The following CXCL16 variants were observed in gnomAD, a reference collection of about 807,000 sequenced individuals.
The protein encoded by CXCL16 is C-X-C motif chemokine 16.
Under a neutral mutation model 23.8 loss-of-function variants are expected in CXCL16, and 18 were observed. The observed-to-expected ratio is 0.76, with a 90% confidence interval of 0.52 to 1.12. CXCL16 has a LOEUF of 1.12. CXCL16 is among the 50% of genes most tolerant of loss of function. CXCL16 has a pLI of 0.00. For synonymous variants in CXCL16, 123 were observed against 132.5 expected (o/e 0.93, Z 0.49); for missense variants, 297 against 315.4 (o/e 0.94, Z 0.44).
At position 4,738,567 on chromosome 17, in the gene CXCL16, A is replaced by G. The variant is rs9894794; in HGVS notation, c.219-77T>C. On this transcript the variant is annotated intron_variant, in intron 2 of 5. Coordinates refer to ENST00000293778, the MANE Select transcript of CXCL16 (RefSeq NM_001386809.1). The surrounding 1 kb of genome is among the most constrained non-coding windows in gnomAD (Gnocchi z 4.0). Reference sequence around the variant, plus strand: ...CTCCTTCCTCATTCCAGAGGCGTGAAGTTGCCACCAAGAAAGAGCCCTTTC... The same window carrying G: ...CTCCTTCCTCATTCCAGAGGCGTGAGGTTGCCACCAAGAAAGAGCCCTTTC... The G allele has an allele frequency of 1.7e-6, 2 of 1,210,098 alleles. No individual in the cohort carries two copies. The highest frequency in any genetic ancestry group is 4.8e-5 in the East Asian group (2 of 41,268). 75.0% of individuals were successfully genotyped at this position (1,210,098 alleles called of 1,614,324 possible).
In CXCL16 at chr17:4,735,101, A is replaced by C. The variant is rs1262209816; in HGVS notation, c.709T>G (p.Ser237Ala). 1 of 1,608,372 alleles carries C rather than the reference A, an allele frequency of 6.2e-7. No homozygotes were observed. Among genetic ancestry groups the C allele is most frequent in the South Asian group, 1.1e-5 (1 of 91,000 alleles). The change falls in exon 4 of 6, where the codon TCC becomes GCC. Residue 237 changes from serine (S) to alanine (A), a missense_variant. By Grantham distance (99) the Ser-to-Ala change is moderately conservative. Coordinates refer to ENST00000293778, the MANE Select transcript of CXCL16 (RefSeq NM_001386809.1). The part of the protein sequence containing the change: ...CKRRRGQSPQ[S>A]SPDLPVHYIP... ...CAAAGGTCCAGTTTACCTGGAGAGGACTGCGGTGACTGCCCCCTCCTCCTC... is the reference window on the plus strand; with the variant it reads ...CAAAGGTCCAGTTTACCTGGAGAGGCCTGCGGTGACTGCCCCCTCCTCCTC...
chr17:4,739,237 TC>T lies in CXCL16; in HGVS notation c.79+23del. 6.4e-7 allele frequency: 1 copy of T among 1,573,852 alleles called. No homozygotes were observed. The highest frequency in any genetic ancestry group is 1.2e-5 in the South Asian group (1 of 86,350). On this transcript the variant is annotated intron_variant, in intron 1 of 5. Transcript: ENST00000293778. The surrounding 1 kb of genome is among the most constrained non-coding windows in gnomAD (Gnocchi z 5.3). ...CCTTCCCGTGACAGGGGAATCTGGGTCCCCTGCCCCGCCCCCGGCTAACCTG... is the reference window on the plus strand; with the variant it reads ...CCTTCCCGTGACAGGGGAATCTGGGTCCCTGCCCCGCCCCCGGCTAACCTG...
chr17:4,738,586 C>G lies in CXCL16; in HGVS notation c.219-96G>C. On this transcript the variant is annotated intron_variant, in intron 2 of 5. Coordinates refer to ENST00000293778, the MANE Select transcript of CXCL16 (RefSeq NM_001386809.1). This position sits in a 1 kb window ranked among gnomAD's most constrained non-coding sequence, Gnocchi z 4.0. The stretch of plus-strand genomic sequence containing the variant: ...GCGTGAAGTTGCCACCAAGAAAGAG[C>G]CCTTTCTCCTGGGACTGGGAAACTC... 1 of 1,102,316 alleles carries G rather than the reference C, an allele frequency of 9.1e-7. No homozygotes were observed. The highest frequency in any genetic ancestry group is 1.3e-6 in the Non-Finnish European group (1 of 753,368). 68.3% of individuals were successfully genotyped at this position (1,102,316 alleles called of 1,614,324 possible).
chr17:4,738,882 A>C lies in CXCL16; in HGVS notation c.118T>G (p.Cys40Gly). The change falls in exon 2 of 6, where the codon TGT (cysteine) becomes GGT (glycine). Residue 40 changes from cysteine to glycine, a missense_variant. Cys to Gly is a radical substitution (Grantham distance 159). Transcript: ENST00000293778. The surrounding 1 kb of genome is among the most constrained non-coding windows in gnomAD (Gnocchi z 4.0). ...NEGSVTGSCY[C>G]GKRISSDSPP... ...GAGTCGGAAGAAATTCTTTTACCAC[A>C]ATAACAACTTCCAGTGACGCTGCCC... The C allele has an allele frequency of 1.2e-6, 2 of 1,614,116 alleles. No individual in the cohort carries two copies. The highest frequency in any genetic ancestry group is 1.1e-5 in the South Asian group (1 of 91,070).
Position 4,739,123 on chromosome 17 carries a change from A to C in CXCL16, c.79+138T>G. The C allele has an allele frequency of 7.8e-7, 1 of 1,277,330 alleles. No homozygotes were observed. 79.1% of individuals were successfully genotyped at this position (1,277,330 alleles called of 1,614,324 possible). A position where few individuals can be genotyped will look rare whatever the true frequency, so the allele number is the denominator to read the frequency against. On this transcript the variant is annotated intron_variant, in intron 1 of 5. Coordinates refer to ENST00000293778, the MANE Select transcript of CXCL16 (RefSeq NM_001386809.1). The surrounding 1 kb of genome is among the most constrained non-coding windows in gnomAD (Gnocchi z 5.3). ...AGGCGTCCCCGGGCCTCTGTCCCCA[A>C]CCCCAGGCGGCTGGCTGGCTTTCCT...
At position 4,738,618 on chromosome 17, in the gene CXCL16, A is replaced by T; in HGVS notation, c.219-128T>A. ...TCCTGGGACTGGGAAACTCCCCAGT[A>T]GGTGAGACGGAGTCATGAAGTTTCG... On this transcript the variant is annotated intron_variant, in intron 2 of 5. Coordinates refer to ENST00000293778, the MANE Select transcript of CXCL16 (RefSeq NM_001386809.1). The surrounding 1 kb of genome is among the most constrained non-coding windows in gnomAD (Gnocchi z 4.0). The T allele has an allele frequency of 1.0e-6, 1 of 980,386 alleles. No individual in the cohort carries two copies. The highest frequency in any genetic ancestry group is 1.5e-6 in the Non-Finnish European group (1 of 654,530). 60.7% of individuals were successfully genotyped at this position (980,386 alleles called of 1,614,324 possible).
intron 4 of CXCL16, 99 bp downstream of exon 4, chr17:4,734,993 G>A: frequency 8.4e-7 from 1 of 1,184,072 alleles, no homozygotes; most frequent in South Asian, 1.4e-5. Flanking sequence ...ATACTTGTGT[G>A]CCAAGGCCAG....
chr17:4,734,721 G>T, intron 4 of CXCL16, 69 bp from the exon 5 acceptor site: 1 of 1,273,664 alleles, frequency 7.9e-7, no homozygotes, highest in South Asian at 1.2e-5. Context: ...ATGATAGCTT[G>T]AACTAGGGAA....
In CXCL16 at chr17:4,739,792, C is replaced by T. The variant is rs554598801; in HGVS notation, c.-453G>A. 4.2e-5 allele frequency: 43 copies of T among 1,014,570 alleles called. 1 individual carries two copies. The African/African-American group carries it at 7.0e-4, about 17-fold the overall frequency. 62.8% of individuals were successfully genotyped at this position (1,014,570 alleles called of 1,614,324 possible). On this transcript the variant is annotated 5_prime_UTR_variant, in exon 1 of 6. Coordinates refer to ENST00000293778, the MANE Select transcript of CXCL16 (RefSeq NM_001386809.1). The surrounding 1 kb of genome is among the most constrained non-coding windows in gnomAD (Gnocchi z 5.3). The stretch of plus-strand genomic sequence containing the variant: ...CACTGCCGGACCGGCCCTCCTCCTC[C>T]GAGGCACTTTCACTTCCCCGATCCG...
rs1291563347 is a variant in CXCL16 at position 4,739,459 on chromosome 17, C to A, written c.-120G>T. On this transcript the variant is annotated 5_prime_UTR_variant, in exon 1 of 6. Transcript: ENST00000293778. The surrounding 1 kb of genome is among the most constrained non-coding windows in gnomAD (Gnocchi z 5.3). ...TTTCGCCGGGGACCGGAGGAGACGG[C>A]GGCCGGAGAGGAGGCGCGAGCCAGC... 25 of 1,503,196 alleles carry A rather than the reference C, an allele frequency of 1.7e-5. No homozygotes were observed. Among genetic ancestry groups the A allele is most frequent in the Non-Finnish European group, 2.2e-5 (24 of 1,102,000 alleles). The allele number at this position is 1,503,196 out of a possible 1,614,324, so 93.1% of individuals were successfully genotyped here. A position where few individuals can be genotyped will look rare whatever the true frequency, so the allele number is the denominator to read the frequency against.
Position 4,739,673 on chromosome 17 carries a change from G to A in CXCL16, c.-334C>T. On this transcript the variant is annotated 5_prime_UTR_variant, in exon 1 of 6. Coordinates refer to ENST00000293778, the MANE Select transcript of CXCL16 (RefSeq NM_001386809.1). This position sits in a 1 kb window ranked among gnomAD's most constrained non-coding sequence, Gnocchi z 5.3. Reference sequence around the variant, plus strand: ...CCGAAAGAAAACTCCGGCGGCGGGCGAGGAGGGGCGGGAGGACGACGGCCC... The same window carrying A: ...CCGAAAGAAAACTCCGGCGGCGGGCAAGGAGGGGCGGGAGGACGACGGCCC... 1 of 714,694 alleles carries A rather than the reference G, an allele frequency of 1.4e-6. No individual in the cohort carries two copies. Among genetic ancestry groups the A allele is most frequent in the Non-Finnish European group, 2.1e-6 (1 of 487,052 alleles). The allele number at this position is 714,694 out of a possible 1,614,324, so 44.3% of individuals were successfully genotyped here.
chr17:4,739,290 A>G lies in CXCL16; in HGVS notation c.50T>C (p.Leu17Pro). 6.2e-7 allele frequency: 1 copy of G among 1,610,338 alleles called. No homozygotes were observed. Among genetic ancestry groups the G allele is most frequent in the South Asian group, 1.1e-5 (1 of 90,380 alleles). ...PGSRVLLLLLLLLLVYLTQPG... is the reference protein window; with the variant it reads ...PGSRVLLLLLPLLLVYLTQPG... ...CTGAGTCAGGTACACCAGCAGGAGC[A>G]GAAGCAGGAGCAGGAGCACGCGGGA... Residue 17 changes from leucine (L) to proline (P), a missense_variant, in exon 1 of 6, where the codon CTG becomes CCG. Leu to Pro is a moderately conservative substitution (Grantham distance 98). Transcript: ENST00000293778. The surrounding 1 kb of genome is among the most constrained non-coding windows in gnomAD (Gnocchi z 5.3).
At position 4,739,448 on chromosome 17, in the gene CXCL16, G is replaced by A. The variant is rs757278306; in HGVS notation, c.-109C>T. On this transcript the variant is annotated 5_prime_UTR_variant, in exon 1 of 6. Transcript: ENST00000293778. This position sits in a 1 kb window ranked among gnomAD's most constrained non-coding sequence, Gnocchi z 5.3. ...GTCTCAATGGCTTTCGCCGGGGACC[G>A]GAGGAGACGGCGGCCGGAGAGGAGG... 6.5e-6 allele frequency: 10 copies of A among 1,540,210 alleles called. No homozygotes were observed. The highest frequency in any genetic ancestry group is 1.4e-5 in the African/African-American group (1 of 73,250).
At position 4,739,390 on chromosome 17, in the gene CXCL16, CAG is replaced by C. The variant is rs1916274217; in HGVS notation, c.-53_-52del. 7 of 1,611,742 alleles carry C rather than the reference CAG, an allele frequency of 4.3e-6. No individual in the cohort carries two copies. The highest frequency in any genetic ancestry group is 5.1e-6 in the Non-Finnish European group (6 of 1,179,666). On this transcript the variant is annotated 5_prime_UTR_variant, in exon 1 of 6. Coordinates refer to ENST00000293778, the MANE Select transcript of CXCL16 (RefSeq NM_001386809.1). The surrounding 1 kb of genome is among the most constrained non-coding windows in gnomAD (Gnocchi z 5.3). Reference sequence around the variant, plus strand: ...GATGGAGCCACCTCGCTCTGACTCCCAGACATGCTCCGGCGCGTGACGTCCAG... The same window carrying C: ...GATGGAGCCACCTCGCTCTGACTCCCACATGCTCCGGCGCGTGACGTCCAG...
Position 4,735,291 on chromosome 17 carries a change from G to T in CXCL16, c.519C>A (p.His173Gln). ...CAGCTGCCAGACTGTGGCCCGCAGTGTGAATGGTGGTTTCATTGGGACGAG... is the reference window on the plus strand; with the variant it reads ...CAGCTGCCAGACTGTGGCCCGCAGTTTGAATGGTGGTTTCATTGGGACGAG... ...ELTRPNETTI[H>Q]TAGHSLAAGP... Residue 173 changes from histidine (H) to glutamine (Q), a missense_variant, in exon 4 of 6, where the codon CAC (histidine) becomes CAA (glutamine). Transcript: ENST00000293778. 6.2e-7 allele frequency: 1 copy of T among 1,614,212 alleles called. No homozygotes were observed. The highest frequency in any genetic ancestry group is 8.5e-7 in the Non-Finnish European group (1 of 1,180,020).
rs1916220478 is a variant in CXCL16 at position 4,738,257 on chromosome 17, C to T, written c.301+151G>A. 1 of 624,446 alleles carries T rather than the reference C, an allele frequency of 1.6e-6. No individual in the cohort carries two copies. Among genetic ancestry groups the T allele is most frequent in the Non-Finnish European group, 2.8e-6 (1 of 353,612 alleles). 38.7% of individuals were successfully genotyped at this position (624,446 alleles called of 1,614,324 possible). A position where few individuals can be genotyped will look rare whatever the true frequency, so the allele number is the denominator to read the frequency against. ...GTGAATGATCACCCCGTTTGGCAAA[C>T]AGGGACTCGAGTCTAAGTACTTTGG... On this transcript the variant is annotated intron_variant, in intron 3 of 5. Transcript: ENST00000293778. The surrounding 1 kb of genome is among the most constrained non-coding windows in gnomAD (Gnocchi z 4.0).
Position 4,737,449 on chromosome 17 carries a change from G to A in CXCL16, c.301+959C>T, listed in dbSNP as rs1354172527. On this transcript the variant is annotated intron_variant, in intron 3 of 5. Coordinates refer to ENST00000293778, the MANE Select transcript of CXCL16 (RefSeq NM_001386809.1). Reference sequence around the variant, plus strand: ...ACAAAAATTAGCTGGGCATGGTGGCGGGCACCTGCAATCCCAGCTACTCGG... The same window carrying A: ...ACAAAAATTAGCTGGGCATGGTGGCAGGCACCTGCAATCCCAGCTACTCGG... 6.7e-5 allele frequency among the ~76,000 whole-genome samples: 10 copies of A among 150,094 alleles called. No individual in the cohort carries two copies. The East Asian group carries it at 1.4e-3, about 21-fold the overall frequency.
At position 4,738,888 on chromosome 17, in the gene CXCL16, A is replaced by G. The variant is rs2150622113; in HGVS notation, c.112T>C (p.Cys38Arg). ...GAAGAAATTCTTTTACCACAATAAC[A>G]ACTTCCAGTGACGCTGCCCTCGTTG... is the stretch of plus-strand genomic sequence containing the variant. ...NGNEGSVTGSCYCGKRISSDS... is the reference protein window; with the variant it reads ...NGNEGSVTGSRYCGKRISSDS... Residue 38 changes from cysteine (C) to arginine (R), a missense_variant, in exon 2 of 6, where the codon TGT becomes CGT. Coordinates refer to ENST00000293778, the MANE Select transcript of CXCL16 (RefSeq NM_001386809.1). This position sits in a 1 kb window ranked among gnomAD's most constrained non-coding sequence, Gnocchi z 4.0. 1.2e-6 allele frequency: 2 copies of G among 1,614,002 alleles called. No individual in the cohort carries two copies. Among genetic ancestry groups the G allele is most frequent in the African/African-American group, 1.3e-5 (1 of 74,982 alleles).
rs1916228901 is a variant in CXCL16, at chr17:4,738,463, A to G, written c.246T>C (p.Cys82=). The G allele has an allele frequency of 6.2e-7, 1 of 1,613,952 alleles. No individual in the cohort carries two copies. The highest frequency in any genetic ancestry group is 8.5e-7 in the Non-Finnish European group (1 of 1,179,822). Residue 82 remains cysteine, a synonymous_variant, in exon 3 of 6, where the codon TGT becomes TGC. Coordinates refer to ENST00000293778, the MANE Select transcript of CXCL16 (RefSeq NM_001386809.1). This position sits in a 1 kb window ranked among gnomAD's most constrained non-coding sequence, Gnocchi z 4.0. ...TRFQLLSWSV[C]GGNKDPWVQE... ...GAACCCATGGGTCCTTGTTGCCCCC[A>G]CACACGCTCCAGGAAAGGAGCTGGA...
Sources: allele counts gnomAD v4.1 joint callset (sites outside exome capture counted in the v4.1 genomes callset), GRCh38; gene constraint gnomAD v4.1.1; non-coding constraint Gnocchi (gnomAD v3.1); transcripts MANE v1.5; gene names NCBI Gene and HGNC (gene_info 2026-07-23, HGNC 2026-07-21).